The following TMEM67 variants were observed in gnomAD, a reference collection of about 807,000 sequenced individuals.
TMEM67 encodes the protein transmembrane protein 67, also known as meckelin.
TMEM67 carries 124 observed loss-of-function variants against 136.6 expected under a neutral mutation model. The observed-to-expected ratio is 0.91, with a 90% CI of 0.78 to 1.05. The LOEUF is 1.05. TMEM67 is among the 50% of genes least tolerant of loss of function. The pLI, the probability that TMEM67 is intolerant of heterozygous loss-of-function variation, is 0.00. For missense variants in TMEM67, 1,107 were observed against 1,178.4 expected, an observed-to-expected ratio of 0.94 and a Z score of 0.89; for synonymous variants, 364 against 390.5, an observed-to-expected ratio of 0.93 and a Z score of 0.80.
intron 14 of TMEM67, 85 bp downstream of exon 14, chr8:93,788,034 T>G: frequency 5.0e-6 from 1 of 200,940 alleles, no homozygotes; most frequent in Non-Finnish European, 9.0e-6. Context: ...AAAGACAGTC[T>G]TTTTTTTTTT....
rs140603101 is a variant in TMEM67 at position 93,803,526 on chromosome 8, T to G, written c.2242-78T>G. On this transcript the variant is annotated intron_variant, in intron 21 of 27. Coordinates refer to ENST00000453321, the MANE Select transcript of TMEM67 (RefSeq NM_153704.6). ...GCTTTTGGTTGGAACTTTTTTTTCT[T>G]AAGATGCTACACTGTGGCTGTAAAA... The G allele has an allele frequency of 1.0e-3, 949 of 936,582 alleles. 10 individuals are homozygous for G. In the African/African-American group the frequency reaches 0.014, roughly 14 times the overall value. The allele number at this position is 936,582 out of a possible 1,614,324, so 58.0% of individuals were successfully genotyped here.
downstream of TMEM67, among the ~76,000 whole-genome samples, chr8:93,823,362 T>G (rs1237632109): frequency 6.6e-6 from 1 of 152,178 alleles, no homozygotes; most frequent in East Asian, 1.9e-4. Context: ...CCCTTTGCAG[T>G]GTAAAGTAAC....
At position 93,765,284 on chromosome 8, in the gene TMEM67, A is replaced by G. The variant is rs1028775214; in HGVS notation, c.507-122A>G. 3.9e-6 allele frequency: 3 copies of G among 769,066 alleles called. No individual in the cohort carries two copies. The African/African-American group carries it at 5.3e-5, about 14-fold the overall frequency. 47.6% of individuals were successfully genotyped at this position (769,066 alleles called of 1,614,324 possible). On this transcript the variant is annotated intron_variant, in intron 4 of 27. Transcript: ENST00000453321. ...CAGTGTTATTTTAAATTTGTTTAAC[A>G]TATTTACATAATTGCTTACTGAATG... is the stretch of plus-strand genomic sequence containing the variant.
Position 93,765,444 on chromosome 8 carries a change from G to C in TMEM67, c.545G>C (p.Arg182Thr), listed in dbSNP as rs2130585570. Reference sequence around the variant, plus strand: ...GAGCCAACATTTGTTAATACCAGCAGGTCCTGTGCATGTTCAGAACCTAAC... The same window carrying C: ...GAGCCAACATTTGTTAATACCAGCACGTCCTGTGCATGTTCAGAACCTAAC... ...RCEPTFVNTS[R>T]SCACSEPNIL... The change falls in exon 5 of 28, where the codon AGG becomes ACG. Residue 182 changes from arginine to threonine, a missense_variant. By Grantham distance (71) the Arg-to-Thr change is moderately conservative. Transcript: ENST00000453321. 6.2e-7 allele frequency: 1 copy of C among 1,611,976 alleles called. No homozygotes were observed. The highest frequency in any genetic ancestry group is 1.1e-5 in the South Asian group (1 of 90,970).
chr8:93,769,732 T>G (rs1228107162), intron 6 of TMEM67: 1 of 164,632 alleles, frequency 6.1e-6, no homozygotes, highest in Admixed American at 6.5e-5. Context: ...AGGGCTTGTT[T>G]AAAGTAATTA....
intron 26 of TMEM67, among the ~76,000 whole-genome samples, chr8:93,814,750 G>C (rs978097313): frequency 6.6e-6 from 1 of 150,964 alleles, no homozygotes; most frequent in Non-Finnish European, 1.5e-5. Context: ...GCCTCCCAAA[G>C]TGCTGGAATT....
At chr8:93,755,899 G>A (rs1025553793) in intron 2 of TMEM67, 33 bp downstream of exon 2, 31 of 1,119,008 alleles carry the variant, frequency 2.8e-5, no homozygotes, top group Non-Finnish European at 4.0e-5. Flanking sequence ...TAACTTACCT[G>A]TAAAAAGTAG....
chr8:93,800,481 C>T (rs1814824343), intron 21 of TMEM67, among the ~76,000 whole-genome samples: 1 of 152,126 alleles, frequency 6.6e-6, no homozygotes, highest in African/African-American at 2.4e-5. Context: ...TTTTGGTATA[C>T]TTGGGGGTTC....
chr8:93,830,574 C>A, the TMEM67 span, among the ~76,000 whole-genome samples: 1 of 152,138 alleles, frequency 6.6e-6, no homozygotes, highest in Non-Finnish European at 1.5e-5. Context: ...GGTTGGTGTC[C>A]GCTGCAGAAC....
chr8:93,820,237 G>A (rs930408157), downstream of TMEM67, among the ~76,000 whole-genome samples: 4 of 152,122 alleles, frequency 2.6e-5, no homozygotes, highest in Admixed American at 1.3e-4. Context: ...ACCTGTGAGT[G>A]TAAGAAACTT....
chr8:93,767,017 T>G (rs1299190114), intron 6 of TMEM67, among the ~76,000 whole-genome samples: 1 of 152,202 alleles, frequency 6.6e-6, no homozygotes, highest in East Asian at 1.9e-4. Flanking sequence ...TGAAATAATT[T>G]TGCTGAAAGT....
chr8:93,781,380 C>A (rs1490176255), intron 9 of TMEM67, among the ~76,000 whole-genome samples: 2 of 152,210 alleles, frequency 1.3e-5, no homozygotes, highest in Admixed American at 6.5e-5. Flanking sequence ...TGAGGAGATA[C>A]TATTCTCCCA....
At position 93,804,730 on chromosome 8, in the gene TMEM67, G is replaced by T. The variant is rs766127103; in HGVS notation, c.2323-32G>T. On this transcript the variant is annotated intron_variant, in intron 22 of 27. Coordinates refer to ENST00000453321, the MANE Select transcript of TMEM67 (RefSeq NM_153704.6). Reference sequence around the variant, plus strand: ...TTTTTTATTGTTTTGCAGATGAGTTGCTATTTGCTTCTTTTTATTCTCTTT... The same window carrying T: ...TTTTTTATTGTTTTGCAGATGAGTTTCTATTTGCTTCTTTTTATTCTCTTT... The T allele has an allele frequency of 1.6e-5, 20 of 1,224,998 alleles. No homozygotes were observed. The South Asian group carries it at 2.5e-4, about 15-fold the overall frequency. 75.9% of individuals were successfully genotyped at this position (1,224,998 alleles called of 1,614,324 possible).
chr8:93,804,310 CTTTTTTT>C (rs1182297223), intron 22 of TMEM67, among the ~76,000 whole-genome samples: 9 of 93,810 alleles, frequency 9.6e-5, no homozygotes, highest in African/African-American at 3.3e-4. Context: ...CTTTTCTTTT[CTTTTTTT>C]TTTTTTTTTT....
At chr8:93,829,631 G>A in the TMEM67 span, among the ~76,000 whole-genome samples, 6 of 152,154 alleles carry the variant, frequency 3.9e-5, no homozygotes, top group Non-Finnish European at 7.3e-5. Flanking sequence ...TTCACCAAGC[G>A]TTCTGTGACT....
chr8:93,764,821 T>C (rs1289388804), intron 4 of TMEM67, among the ~76,000 whole-genome samples: 1 of 152,110 alleles, frequency 6.6e-6, no homozygotes, highest in Non-Finnish European at 1.5e-5. Flanking sequence ...CCTGCTCTAT[T>C]TTGCAAGTGA....
chr8:93,776,599 GT>G (rs1813552396), intron 7 of TMEM67, among the ~76,000 whole-genome samples: 2 of 152,130 alleles, frequency 1.3e-5, no homozygotes. Context: ...TTTTGCATCT[GT>G]TGAGGTAATT....
intron 7 of TMEM67, among the ~76,000 whole-genome samples, chr8:93,779,775 G>A (rs1308405855): frequency 6.6e-6 from 1 of 152,160 alleles, no homozygotes; most frequent in African/African-American, 2.4e-5. Context: ...CCACCTGTAT[G>A]AGGTGTCTGT....
At chr8:93,788,084 T>G (rs1445113800) in intron 14 of TMEM67, 135 bp downstream of exon 14, 1 of 681,106 alleles carries the variant, frequency 1.5e-6, no homozygotes, top group Non-Finnish European at 2.6e-6. Context: ...TATAGTCAAG[T>G]CTTAATTATT....
Sources: allele counts gnomAD v4.1 joint callset (sites outside exome capture counted in the v4.1 genomes callset), GRCh38; gene constraint gnomAD v4.1.1; transcripts MANE v1.5; gene names NCBI Gene and HGNC (gene_info 2026-07-23, HGNC 2026-07-21).